LPP: variants seen among roughly 807,000 people sequenced by gnomAD.
The protein encoded by LPP is lipoma-preferred partner.
In LPP, 38 loss-of-function variants were observed where a neutral mutation model predicts 60.4. The ratio of observed to expected loss-of-function variants is 0.63; its 90% confidence interval spans 0.49 to 0.83. The LOEUF (loss-of-function observed/expected upper bound fraction) is 0.83, where lower values mean the gene tolerates loss of function less well. Among genes scored for constraint, LPP ranks in the 40% least tolerant of loss-of-function variants. LPP has a pLI of 0.00. For synonymous variants in LPP, 328 were observed against 290.8 expected (o/e 1.13, Z -1.30); for missense variants, 902 against 783.6 (o/e 1.15, Z -1.80).
chr3:188,338,819 A>G (rs1287298135), intron 2 of LPP, among the ~76,000 whole-genome samples: 1 of 152,158 alleles, frequency 6.6e-6, no homozygotes, highest in East Asian at 1.9e-4. Context: ...AACACTTAGA[A>G]TTTTTGTTCA....
At chr3:188,617,056 G>A (rs1372479968) in intron 7 of LPP, among the ~76,000 whole-genome samples, 4 of 151,976 alleles carry the variant, frequency 2.6e-5, no homozygotes, top group African/African-American at 7.3e-5. Context: ...TTATGGATAA[G>A]CCTATTCATC....
intron 8 of LPP, among the ~76,000 whole-genome samples, chr3:188,724,210 AT>A (rs1322288011): frequency 6.6e-6 from 1 of 152,174 alleles, no homozygotes; most frequent in East Asian, 1.9e-4. Flanking sequence ...GAGTTAAATA[AT>A]TTTCCCGGAA....
intron 2 of LPP, among the ~76,000 whole-genome samples, chr3:188,245,550 C>A (rs1726622571): frequency 6.6e-6 from 1 of 152,108 alleles, no homozygotes; most frequent in South Asian, 2.1e-4. Context: ...GCCTTTTCAC[C>A]TCCTCTTAGA....
At position 188,713,948 on chromosome 3, in the gene LPP, T is replaced by A. The variant is rs570388746; in HGVS notation, c.1240+5555T>A. Among the ~76,000 whole-genome samples the A allele has an allele frequency of 1.4e-4, 22 of 152,278 alleles. No individual in the cohort carries two copies. The East Asian group carries it at 3.1e-3, about 21-fold the overall frequency. Reference sequence around the variant, plus strand: ...AGACATACACATCTTCTATTGCTGGTGAGATGAGGACAATTGTGGTAGTGA... The same window carrying A: ...AGACATACACATCTTCTATTGCTGGAGAGATGAGGACAATTGTGGTAGTGA... On this transcript the variant is annotated intron_variant, in intron 8 of 11. Transcript: ENST00000617246.
chr3:188,177,921 T>C (rs344955), intron 1 of LPP, among the ~76,000 whole-genome samples: 81,135 of 152,018 alleles, frequency 0.53, 22,390 homozygotes, highest in East Asian at 0.88. Context: ...ACGATGTGCA[T>C]AAGTGTGTCA....
intron 6 of LPP, among the ~76,000 whole-genome samples, chr3:188,578,707 T>C (rs1025161494): frequency 2.6e-5 from 4 of 152,032 alleles, no homozygotes; most frequent in Non-Finnish European, 5.9e-5. Flanking sequence ...TGTTCTACAA[T>C]TCTGAGTTAG....
At chr3:188,764,590 A>G (rs1277087863) in intron 9 of LPP, among the ~76,000 whole-genome samples, 4 of 152,208 alleles carry the variant, frequency 2.6e-5, no homozygotes, top group African/African-American at 9.6e-5. Flanking sequence ...TTATGTTGGT[A>G]TGAATATGAA....
chr3:188,622,748 G>A (rs1226355866), intron 7 of LPP, among the ~76,000 whole-genome samples: 1 of 151,892 alleles, frequency 6.6e-6, no homozygotes, highest in African/African-American at 2.4e-5. Context: ...AAGAGAGCTG[G>A]GCCAGGCACA....
intron 7 of LPP, among the ~76,000 whole-genome samples, chr3:188,673,456 A>T (rs1031490236): frequency 1.3e-5 from 2 of 152,206 alleles, no homozygotes; most frequent in African/African-American, 4.8e-5. Context: ...CTCTATAATT[A>T]ATCAATGTAG....
chr3:188,754,147 A>G (rs1729353855), intron 8 of LPP, among the ~76,000 whole-genome samples: 1 of 152,334 alleles, frequency 6.6e-6, no homozygotes, highest in South Asian at 2.1e-4. Context: ...GTCTAAGGCT[A>G]CAGAAGAGCC....
At chr3:188,593,302 T>C (rs1282970699) in intron 6 of LPP, among the ~76,000 whole-genome samples, 1 of 151,998 alleles carries the variant, frequency 6.6e-6, no homozygotes, top group Non-Finnish European at 1.5e-5. Flanking sequence ...GTGTTCACTC[T>C]TGCTCTCTCT....
At chr3:188,261,909 T>A (rs769213084) in intron 2 of LPP, among the ~76,000 whole-genome samples, 5 of 152,214 alleles carry the variant, frequency 3.3e-5, no homozygotes, top group Non-Finnish European at 7.3e-5. Flanking sequence ...AGAGTGCAAC[T>A]CTGTCTATAA....
intron 4 of LPP, among the ~76,000 whole-genome samples, chr3:188,415,551 T>C (rs1018542072): frequency 1.8e-4 from 27 of 152,080 alleles, no homozygotes; most frequent in Non-Finnish European, 2.9e-4. Context: ...CAAATATCCT[T>C]TGATGGGCAG....
intron 6 of LPP, among the ~76,000 whole-genome samples, chr3:188,526,141 G>C (rs972381936): frequency 1.3e-4 from 20 of 152,236 alleles, no homozygotes; most frequent in African/African-American, 4.8e-4. Context: ...CTAAGTGAGA[G>C]TGCATAGAGC....
At chr3:188,671,435 T>C (rs1856934403) in intron 7 of LPP, among the ~76,000 whole-genome samples, 1 of 152,210 alleles carries the variant, frequency 6.6e-6, no homozygotes, top group Non-Finnish European at 1.5e-5. Flanking sequence ...TCAATATTTA[T>C]TTAAATTGAA....
At chr3:188,468,005 T>C (rs1800896040) in intron 4 of LPP, among the ~76,000 whole-genome samples, 1 of 152,196 alleles carries the variant, frequency 6.6e-6, no homozygotes, top group Non-Finnish European at 1.5e-5. Context: ...TAAAATGATC[T>C]GTTTATATGT....
rs61271708 is a variant in LPP, at chr3:188,399,362, TA to T, written c.-9-6738del. On this transcript the variant is annotated intron_variant, in intron 3 of 11. Coordinates refer to ENST00000617246, the MANE Select transcript of LPP (RefSeq NM_001375462.1). Reference sequence around the variant, plus strand: ...CTGACTTTTGTATAAAGAGAATGTTTAAAAAAAAAAAACCTTCAAAGTTATA... The same window carrying T: ...CTGACTTTTGTATAAAGAGAATGTTTAAAAAAAAAAACCTTCAAAGTTATA... Among the ~76,000 whole-genome samples the T allele has an allele frequency of 4.0e-3, 590 of 148,758 alleles. 3 individuals carry two copies. Among genetic ancestry groups the T allele is most frequent in the African/African-American group, 6.6e-3 (270 of 40,880 alleles).
intron 6 of LPP, among the ~76,000 whole-genome samples, chr3:188,566,425 G>A (rs11716392): frequency 0.43 from 65,479 of 151,626 alleles, 15,238 homozygotes; most frequent in East Asian, 0.92. Flanking sequence ...AGCTTTATTA[G>A]TTAGCTCTCA....
At chr3:188,689,013 A>G in intron 7 of LPP, 3 of 427,058 alleles carry the variant, frequency 7.0e-6, no homozygotes, top group South Asian at 5.1e-5. Context: ...ATTAAACGAG[A>G]AAAGAATGAG....
Sources: allele counts gnomAD v4.1 joint callset (sites outside exome capture counted in the v4.1 genomes callset), GRCh38; gene constraint gnomAD v4.1.1; transcripts MANE v1.5; gene names NCBI Gene and HGNC (gene_info 2026-07-23, HGNC 2026-07-21).